Variants in LRP1B observed in about 807,000 individuals in gnomAD.
LRP1B encodes the protein LDL receptor related protein 1B.
LRP1B carries 217 observed loss-of-function variants against 556.6 expected under a neutral mutation model. The ratio of observed to expected loss-of-function variants is 0.39; its 90% CI spans 0.35 to 0.44. LRP1B has a LOEUF of 0.44. Ranked by LOEUF, LRP1B falls within the 20% of genes least tolerant of loss-of-function variation. LRP1B has a pLI of 1.00. For synonymous variants in LRP1B, 2,047 were observed against 1,865.8 expected (o/e 1.10, Z -2.50); for missense variants, 5,053 against 5,620.8 (o/e 0.90, Z 3.23).
At chr2:141,389,926 G>C (rs932062035) in intron 3 of LRP1B, among the ~76,000 whole-genome samples, 1 of 152,150 alleles carries the variant, frequency 6.6e-6, no homozygotes, top group Non-Finnish European at 1.5e-5. Context: ...GATCACCAGA[G>C]GTCGGGAGTT....
In LRP1B at chr2:140,986,502, C is replaced by G; in HGVS notation, c.2770+3030G>C. Among the ~76,000 whole-genome samples, 2 of 152,214 alleles carry G rather than the reference C, an allele frequency of 1.3e-5. 1 individual carries two copies. Among genetic ancestry groups the G allele is most frequent in the South Asian group, 4.1e-4 (2 of 4,822 alleles). The stretch of plus-strand genomic sequence containing the variant: ...ACAATTCCTTCTTCCCACAGTATTG[C>G]CAATGCTGAGTTTTACCAGATTATT... On this transcript the variant is annotated intron_variant, in intron 17 of 90. Transcript: ENST00000389484.
chr2:141,240,734 A>G (rs1683835775), intron 5 of LRP1B, among the ~76,000 whole-genome samples: 2 of 152,240 alleles, frequency 1.3e-5, no homozygotes, highest in Middle Eastern at 3.4e-3. Flanking sequence ...TTATAAAAGC[A>G]AAGTTTATTG....
intron 20 of LRP1B, among the ~76,000 whole-genome samples, chr2:140,939,734 A>G (rs2105284551): frequency 6.6e-6 from 1 of 151,800 alleles, no homozygotes. Context: ...ATGACAATAA[A>G]CCAGGGTCAG....
intron 81 of LRP1B, among the ~76,000 whole-genome samples, chr2:140,322,516 C>T (rs1450205556): frequency 6.7e-6 from 1 of 149,808 alleles, no homozygotes; most frequent in African/African-American, 2.5e-5. Context: ...CAAAAACAAT[C>T]CCCCCGCCTT....
At chr2:141,067,425 G>GAAAAACAAAA (rs1353167515) in intron 7 of LRP1B, among the ~76,000 whole-genome samples, 2 of 151,892 alleles carry the variant, frequency 1.3e-5, no homozygotes, top group Non-Finnish European at 2.9e-5. Flanking sequence ...TTTGTTGTTT[G>GAAAAACAAAA]AAAAATCTCT....
chr2:140,659,368 A>C (rs564008583), intron 41 of LRP1B, among the ~76,000 whole-genome samples: 1 of 151,894 alleles, frequency 6.6e-6, no homozygotes, highest in South Asian at 2.1e-4. Context: ...TATTTTCAGC[A>C]TGGTTTTATT....
At chr2:141,668,229 C>T (rs779318879) in intron 2 of LRP1B, among the ~76,000 whole-genome samples, 1 of 152,138 alleles carries the variant, frequency 6.6e-6, no homozygotes, top group African/African-American at 2.4e-5. Flanking sequence ...GTCCTCACCC[C>T]TCTTCTAGCT....
chr2:141,529,926 T>C (rs908064854), intron 2 of LRP1B, among the ~76,000 whole-genome samples: 2 of 152,108 alleles, frequency 1.3e-5, no homozygotes. Context: ...CAAGCAGTAA[T>C]TTCAAAACTA....
chr2:141,430,135 A>G (rs980078791), intron 3 of LRP1B, among the ~76,000 whole-genome samples: 2 of 152,104 alleles, frequency 1.3e-5, no homozygotes, highest in Non-Finnish European at 2.9e-5. Context: ...AAAGTATACA[A>G]AGAAGGAAAA....
At chr2:140,314,870 A>AT in intron 83 of LRP1B, 65 bp downstream of exon 83, 2 of 1,201,056 alleles carry the variant, frequency 1.7e-6, no homozygotes, top group Non-Finnish European at 2.3e-6. Context: ...AACATTAAGC[A>AT]TTTTCGATTC....
rs768308187 is a variant in LRP1B, at chr2:140,501,798, C to A, written c.8739G>T (p.Lys2913Asn). 1.5e-5 allele frequency: 24 copies of A among 1,612,726 alleles called. No homozygotes were observed. Among genetic ancestry groups the A allele is most frequent in the Non-Finnish European group, 1.9e-5 (22 of 1,179,256 alleles). The change falls in exon 55 of 91, where the codon AAG becomes AAT. Residue 2913 changes from lysine to asparagine, a missense_variant. Lys to Asn is a moderately conservative substitution (Grantham distance 94, BLOSUM62 0). Coordinates refer to ENST00000389484, the MANE Select transcript of LRP1B (RefSeq NM_018557.3). Reference sequence around the variant, plus strand: ...CATCTGAACCATCGCCACAGTCATCCTTATTGTCGCAAAGACCTCCACTGG... The same window carrying A: ...CATCTGAACCATCGCCACAGTCATCATTATTGTCGCAAAGACCTCCACTGG... The part of the protein sequence containing the change: ...CIPSGGLCDN[K>N]DDCGDGSDER...
At chr2:140,608,159 T>A (rs1309928491) in intron 41 of LRP1B, among the ~76,000 whole-genome samples, 2 of 152,072 alleles carry the variant, frequency 1.3e-5, no homozygotes, top group African/African-American at 4.8e-5. Flanking sequence ...AGTGAACGCA[T>A]AGAAAAACAT....
chr2:141,429,765 G>C (rs955786385), intron 3 of LRP1B, among the ~76,000 whole-genome samples: 4 of 152,110 alleles, frequency 2.6e-5, no homozygotes, highest in African/African-American at 9.7e-5. Context: ...TCCTGTGTTA[G>C]TTTGCTGAGG....
At chr2:141,232,672 T>C (rs1683516639) in intron 5 of LRP1B, among the ~76,000 whole-genome samples, 1 of 152,160 alleles carries the variant, frequency 6.6e-6, no homozygotes, top group Non-Finnish European at 1.5e-5. Flanking sequence ...TATCGACCAC[T>C]AATTCTAAAG....
chr2:141,211,091 G>A (rs1337307652), intron 6 of LRP1B, among the ~76,000 whole-genome samples: 3 of 151,940 alleles, frequency 2.0e-5, no homozygotes, highest in African/African-American at 7.2e-5. Context: ...AGGTTCAAGC[G>A]ATTCTCCTGC....
At chr2:141,822,128 C>CAGAGAGAGAGAGAGAGAGAGAG (rs1364248949) in intron 1 of LRP1B, among the ~76,000 whole-genome samples, 54 of 117,158 alleles carry the variant, frequency 4.6e-4, no homozygotes, top group South Asian at 9.3e-4. Flanking sequence ...CACACACACA[C>CAGAGAGAGAGAGAGAGAGAGAG]ACAGAGAGAG....
At chr2:141,552,107 A>G (rs902141604) in intron 2 of LRP1B, among the ~76,000 whole-genome samples, 6 of 151,908 alleles carry the variant, frequency 3.9e-5, no homozygotes, top group Non-Finnish European at 8.8e-5. Flanking sequence ...TTCATTAGAA[A>G]CCTATTATGC....
intron 1 of LRP1B, among the ~76,000 whole-genome samples, chr2:141,873,743 T>G (rs577851708): frequency 6.6e-6 from 1 of 151,750 alleles, no homozygotes; most frequent in South Asian, 2.1e-4. Flanking sequence ...ATTAAATACA[T>G]TTGGGGGCAA....
At chr2:141,442,755 G>C (rs1681030540) in intron 3 of LRP1B, among the ~76,000 whole-genome samples, 1 of 152,086 alleles carries the variant, frequency 6.6e-6, no homozygotes, top group Non-Finnish European at 1.5e-5. Flanking sequence ...CAAAGTACAT[G>C]AACACATCCT....
Sources: allele counts gnomAD v4.1 joint callset (sites outside exome capture counted in the v4.1 genomes callset), GRCh38; gene constraint gnomAD v4.1.1; transcripts MANE v1.5; gene names NCBI Gene and HGNC (gene_info 2026-07-23, HGNC 2026-07-21).